CHODL: variants seen among roughly 807,000 people sequenced by gnomAD.
CHODL encodes transmembrane protein MT75.
In CHODL, 29 loss-of-function variants were observed where a neutral mutation model predicts 34.5. The observed-to-expected ratio is 0.84, with a 90% CI of 0.63 to 1.15. CHODL has a LOEUF of 1.15. CHODL is among the 50% of genes most tolerant of loss of function. The pLI is 0.00. For missense variants in CHODL, 332 were observed against 332.5 expected (o/e 1.00, Z 0.01); for synonymous variants, 125 against 116.1 (o/e 1.08, Z -0.49).
intron 1 of CHODL, among the ~76,000 whole-genome samples, chr21:17,922,365 G>A (rs977654222): frequency 9.9e-5 from 15 of 152,260 alleles, no homozygotes; most frequent in East Asian, 9.7e-4. Flanking sequence ...GAGGTGGAGC[G>A]AGGCCCAGAG....
chr21:17,995,091 C>A (rs1039235589), intron 1 of CHODL, among the ~76,000 whole-genome samples: 4 of 152,092 alleles, frequency 2.6e-5, no homozygotes, highest in African/African-American at 9.7e-5. Flanking sequence ...GATGCTGCAG[C>A]CCTCTGGGTA....
chr21:17,924,831 G>C (rs912740050), intron 1 of CHODL, among the ~76,000 whole-genome samples: 3 of 151,984 alleles, frequency 2.0e-5, no homozygotes, highest in African/African-American at 7.3e-5. Flanking sequence ...AAACCAAATA[G>C]GTGCACTGCT....
intron 2 of CHODL, among the ~76,000 whole-genome samples, chr21:18,107,657 G>T (rs2065290019): frequency 6.6e-6 from 1 of 152,172 alleles, no homozygotes; most frequent in Non-Finnish European, 1.5e-5. Context: ...TTTGCTGTGT[G>T]GGAAATGAAG....
At chr21:18,231,526 A>G (rs2073978595) in intron 2 of CHODL, among the ~76,000 whole-genome samples, 1 of 152,000 alleles carries the variant, frequency 6.6e-6, no homozygotes, top group Admixed American at 6.6e-5. Flanking sequence ...TCAAATATCC[A>G]GGTTGTAGTT....
chr21:18,159,832 T>C (rs1444859554), intron 2 of CHODL, among the ~76,000 whole-genome samples: 1 of 151,946 alleles, frequency 6.6e-6, no homozygotes, highest in Non-Finnish European at 1.5e-5. Flanking sequence ...GACCTGCTGG[T>C]GCTGTTGGCT....
chr21:18,094,246 G>T (rs1015669221), intron 2 of CHODL, among the ~76,000 whole-genome samples: 2 of 152,046 alleles, frequency 1.3e-5, no homozygotes, highest in Admixed American at 6.6e-5. Context: ...TAAAGAGAGA[G>T]ATATATCTCA....
At chr21:18,157,370 T>C (rs1479676941) in intron 2 of CHODL, among the ~76,000 whole-genome samples, 1 of 152,220 alleles carries the variant, frequency 6.6e-6, no homozygotes. Flanking sequence ...ACATTTTTAT[T>C]TGTGGTCAAA....
At chr21:17,963,077 AATAATAAT>A (rs2063545036) in intron 1 of CHODL, among the ~76,000 whole-genome samples, 1 of 75,700 alleles carries the variant, frequency 1.3e-5, no homozygotes, top group Non-Finnish European at 2.7e-5. Flanking sequence ...AAAAAAAAAT[AATAATAAT>A]AATAATAATA....
Position 18,096,123 on chromosome 21 carries a change from T to C in CHODL, c.-45+68152T>C, listed in dbSNP as rs960560668. Among the ~76,000 whole-genome samples the C allele has an allele frequency of 2.6e-5, 4 of 152,172 alleles. No homozygotes were observed. In the South Asian group the frequency reaches 6.2e-4, roughly 24 times the overall value. On this transcript the variant is annotated intron_variant, in intron 2 of 6. Transcript: ENST00000400127. ...CTTTACTGCAATCTCTGAACATAAA[T>C]TGTGAAGATTTCATGGACATTGATC...
chr21:18,173,022 C>G (rs1419365323), intron 2 of CHODL, among the ~76,000 whole-genome samples: 1 of 152,140 alleles, frequency 6.6e-6, no homozygotes, highest in African/African-American at 2.4e-5. Flanking sequence ...AGAGGCCACT[C>G]CACGCTATAG....
At chr21:18,168,807 A>C (rs1019219604) in intron 2 of CHODL, among the ~76,000 whole-genome samples, 2 of 152,130 alleles carry the variant, frequency 1.3e-5, no homozygotes, top group Non-Finnish European at 2.9e-5. Flanking sequence ...TGTTATTTGC[A>C]CTTTTATGTA....
chr21:17,950,443 TAGAA>T (rs904381371), intron 1 of CHODL, among the ~76,000 whole-genome samples: 1 of 151,032 alleles, frequency 6.6e-6, no homozygotes, highest in African/African-American at 2.4e-5. Context: ...GGTTAGAATG[TAGAA>T]AGAAGTAAAA....
intron 1 of CHODL, among the ~76,000 whole-genome samples, chr21:17,989,131 A>G (rs1337765814): frequency 1.5e-4 from 23 of 152,196 alleles, no homozygotes; most frequent in Admixed American, 1.5e-3. Flanking sequence ...TCCATGATGT[A>G]CTATGTTATA....
chr21:17,954,264 A>G (rs530695257), intron 1 of CHODL, among the ~76,000 whole-genome samples: 4 of 152,336 alleles, frequency 2.6e-5, no homozygotes, highest in Middle Eastern at 3.4e-3. Flanking sequence ...AAAATACACG[A>G]TGTAAAAGGT....
chr21:18,041,861 G>T, intron 2 of CHODL, among the ~76,000 whole-genome samples: 1 of 151,804 alleles, frequency 6.6e-6, no homozygotes, highest in Non-Finnish European at 1.5e-5. Context: ...TTTTATATGT[G>T]CTAAAGGGAG....
intron 2 of CHODL, among the ~76,000 whole-genome samples, chr21:18,038,942 A>G (rs1218524551): frequency 6.6e-6 from 1 of 151,702 alleles, no homozygotes; most frequent in Middle Eastern, 3.2e-3. Flanking sequence ...AATCTAAAAT[A>G]TGATCCCAGA....
intron 2 of CHODL, among the ~76,000 whole-genome samples, chr21:18,067,303 C>T (rs529039843): frequency 2.6e-5 from 4 of 152,300 alleles, no homozygotes; most frequent in African/African-American, 9.6e-5. Context: ...ACAATAGGAT[C>T]ATTGCAGATG....
At position 18,256,708 on chromosome 21, in the gene CHODL, G is replaced by A. The variant is rs767759893; in HGVS notation, c.279G>A (p.Gly93=). The A allele has an allele frequency of 3.1e-6, 5 of 1,613,950 alleles. No individual in the cohort carries two copies. Among genetic ancestry groups the A allele is most frequent in the Non-Finnish European group, 3.4e-6 (4 of 1,179,982 alleles). Residue 93 remains glycine (G), a synonymous_variant, in exon 2 of 6, where the codon GGG becomes GGA. Transcript: ENST00000299295. ...AAAACCTGACAAAACCCGGGACAGG[G>A]ATTTCTGATGGTGATTTCTGGATAG... ...MLQNLTKPGT[G]ISDGDFWIGL... is the part of the protein sequence containing the mutation.
chr21:18,033,638 A>T (rs1187103056), intron 2 of CHODL, among the ~76,000 whole-genome samples: 2 of 152,020 alleles, frequency 1.3e-5, no homozygotes, highest in Non-Finnish European at 2.9e-5. Context: ...GAAATGTGGG[A>T]GTAACAGCCC....
Sources: allele counts gnomAD v4.1 joint callset (sites outside exome capture counted in the v4.1 genomes callset), GRCh38; gene constraint gnomAD v4.1.1; transcripts MANE v1.5; gene names NCBI Gene and HGNC (gene_info 2026-07-23, HGNC 2026-07-21).